DYTN: variants seen among roughly 807,000 people sequenced by gnomAD.
The protein encoded by DYTN is dystrotelin.
DYTN carries 75 observed loss-of-function variants against 69.6 expected under a neutral mutation model. The observed-to-expected ratio is 1.08, with a 90% CI of 0.89 to 1.31. The LOEUF (loss-of-function observed/expected upper bound fraction) is 1.31. DYTN is among the 50% of genes most tolerant of loss of function. DYTN has a pLI of 0.00. For synonymous variants in DYTN, 252 were observed against 249.1 expected (o/e 1.01, Z -0.11); for missense variants, 726 against 688.4 (o/e 1.05, Z -0.61).
In DYTN at chr2:206,718,241, A is replaced by C; in HGVS notation, c.19+20T>G. ...TTTCTGTTTACAAACTATGCTCAGA[A>C]ACTTGACAATAATACTCACCTTGTT... On this transcript the variant is annotated intron_variant, in intron 1 of 11. Coordinates refer to ENST00000452335, the MANE Select transcript of DYTN (RefSeq NM_001093730.1). 1 of 1,589,380 alleles carries C rather than the reference A, an allele frequency of 6.3e-7. No homozygotes were observed. The highest frequency in any genetic ancestry group is 8.6e-7 in the Non-Finnish European group (1 of 1,167,702).
intron 9 of DYTN, among the ~76,000 whole-genome samples, 185 bp from the exon 10 acceptor site, chr2:206,666,214 G>A (rs765274472): frequency 6.6e-5 from 10 of 152,094 alleles, no homozygotes; most frequent in Non-Finnish European, 1.2e-4. Context: ...GCAGTGGCGC[G>A]ATCTTGGTTC....
chr2:206,669,470 G>T (rs1258528294), intron 9 of DYTN, among the ~76,000 whole-genome samples: 1 of 152,122 alleles, frequency 6.6e-6, no homozygotes, highest in Non-Finnish European at 1.5e-5. Context: ...CAAAGATGGA[G>T]CTTCATGTTT....
intron 9 of DYTN, among the ~76,000 whole-genome samples, chr2:206,673,377 C>G (rs1043423601): frequency 6.6e-6 from 1 of 152,114 alleles, no homozygotes; most frequent in South Asian, 2.1e-4. Flanking sequence ...CCTGCCTCAG[C>G]CCCTCCAGTA....
intron 7 of DYTN, among the ~76,000 whole-genome samples, chr2:206,698,424 G>A (rs1269762059): frequency 1.3e-5 from 2 of 152,258 alleles, no homozygotes; most frequent in East Asian, 3.9e-4. Context: ...AGCATGGGAA[G>A]GGAAGGGGAA....
chr2:206,687,435 C>G (rs889514088), intron 9 of DYTN: 1 of 152,072 alleles, frequency 6.6e-6, no homozygotes, highest in African/African-American at 2.4e-5. Flanking sequence ...TTTTCAGGGA[C>G]CCTTTTAATA....
In DYTN at chr2:206,651,790, C is replaced by T. The variant is rs1326603710; in HGVS notation, c.*28G>A. On this transcript the variant is annotated 3_prime_UTR_variant, in exon 12 of 12. Coordinates refer to ENST00000452335, the MANE Select transcript of DYTN (RefSeq NM_001093730.1). ...GTGCAACTGCATTTTGTCATCACAC[C>T]AAGAGGCCTTTGAGCCTGGACTCCA... 1.3e-6 allele frequency: 2 copies of T among 1,597,598 alleles called. No homozygotes were observed. The highest frequency in any genetic ancestry group is 2.7e-5 in the African/African-American group (2 of 74,440).
At chr2:206,680,932 A>G (rs1699744444) in intron 9 of DYTN, among the ~76,000 whole-genome samples, 2 of 152,210 alleles carry the variant, frequency 1.3e-5, no homozygotes, top group South Asian at 2.1e-4. Context: ...TGTCAATGGT[A>G]GTTTGATGGA....
rs542116586 is a variant in DYTN at position 206,686,117 on chromosome 2, T to G, written c.980+7058A>C. Among the ~76,000 whole-genome samples the G allele has an allele frequency of 7.9e-4, 120 of 152,284 alleles. 1 individual carries two copies. The highest frequency in any genetic ancestry group is 2.8e-3 in the African/African-American group (115 of 41,564). On this transcript the variant is annotated intron_variant, in intron 9 of 11. Transcript: ENST00000452335. The stretch of plus-strand genomic sequence containing the variant: ...TGCTGTGGGGAGTGCTCAGCTACTT[T>G]CATTATTAGCGAGTCAGAGAGAAGT...
intron 11 of DYTN, 84 bp downstream of exon 11, chr2:206,662,819 G>A: frequency 2.6e-6 from 4 of 1,526,056 alleles, no homozygotes; most frequent in Non-Finnish European, 3.5e-6. Context: ...AACTGGAGCT[G>A]TTGGGCTGTT....
intron 9 of DYTN, among the ~76,000 whole-genome samples, chr2:206,690,095 A>T (rs536531926): frequency 6.6e-6 from 1 of 152,302 alleles, no homozygotes; most frequent in South Asian, 2.1e-4. Flanking sequence ...AGCAAGGATA[A>T]CTGGGAGTGC....
intron 2 of DYTN, 134 bp from the exon 3 acceptor site, chr2:206,707,637 A>G: frequency 1.2e-6 from 1 of 813,140 alleles, no homozygotes; most frequent in Non-Finnish European, 1.9e-6. Flanking sequence ...GGAATGAAAT[A>G]TGACTACTAT....
At chr2:206,699,286 A>C (rs1699951410) in intron 7 of DYTN, among the ~76,000 whole-genome samples, 1 of 152,138 alleles carries the variant, frequency 6.6e-6, no homozygotes, top group Non-Finnish European at 1.5e-5. Context: ...ATAGAAAATT[A>C]GCTGGGCATG....
intron 9 of DYTN, among the ~76,000 whole-genome samples, chr2:206,682,980 G>A (rs1574594657): frequency 2.6e-5 from 4 of 152,056 alleles, no homozygotes; most frequent in Admixed American, 2.0e-4. Flanking sequence ...GAGAAAGCTG[G>A]CATTTTAATT....
intron 8 of DYTN, among the ~76,000 whole-genome samples, chr2:206,693,949 T>C (rs527564757): frequency 1.3e-5 from 2 of 152,304 alleles, no homozygotes; most frequent in East Asian, 3.9e-4. Context: ...GGTAAGGCAA[T>C]GCCCACTGGA....
At chr2:206,660,344 AC>A (rs1699498371) in intron 11 of DYTN, among the ~76,000 whole-genome samples, 1 of 152,190 alleles carries the variant, frequency 6.6e-6, no homozygotes, top group South Asian at 2.1e-4. Context: ...ATTAAACTGC[AC>A]AAGTATTGGG....
At chr2:206,653,260 A>G (rs902339075) in intron 11 of DYTN, among the ~76,000 whole-genome samples, 1 of 152,234 alleles carries the variant, frequency 6.6e-6, no homozygotes, top group Admixed American at 6.5e-5. Context: ...TCAATCTCAC[A>G]TACTGTAATT....
chr2:206,692,612 A>G (rs976627741), intron 9 of DYTN, among the ~76,000 whole-genome samples: 1 of 152,210 alleles, frequency 6.6e-6, no homozygotes, highest in Non-Finnish European at 1.5e-5. Flanking sequence ...CAAATGTTCA[A>G]TAATGTATTG....
At chr2:206,674,398 G>T (rs1336801635) in intron 9 of DYTN, among the ~76,000 whole-genome samples, 1 of 152,066 alleles carries the variant, frequency 6.6e-6, no homozygotes, top group Admixed American at 6.5e-5. Context: ...AAAGTTGACT[G>T]AAGAAAGCAT....
At chr2:206,664,722 CT>C (rs2105888691) in intron 10 of DYTN, among the ~76,000 whole-genome samples, 1 of 152,248 alleles carries the variant, frequency 6.6e-6, no homozygotes, top group South Asian at 2.1e-4. Context: ...TTTTGGAAAA[CT>C]TGCATCCTAC....
Sources: allele counts gnomAD v4.1 joint callset (sites outside exome capture counted in the v4.1 genomes callset), GRCh38; gene constraint gnomAD v4.1.1; transcripts MANE v1.5; gene names NCBI Gene and HGNC (gene_info 2026-07-23, HGNC 2026-07-21).